The following EML6 variants were observed in gnomAD, a reference collection of about 807,000 sequenced individuals.
EML6 encodes the protein EMAP like 6.
EML6 carries 154 observed loss-of-function variants against 240.1 expected under a neutral mutation model. The ratio of observed to expected loss-of-function variants is 0.64; its 90% CI spans 0.56 to 0.73. EML6 has a LOEUF of 0.73. Ranked by LOEUF, EML6 falls within the 30% of genes least tolerant of loss-of-function variation. The pLI is 0.00. For missense variants in EML6, 2,964 were observed against 2,474.6 expected (o/e 1.20, Z -4.20); for synonymous variants, 1,148 against 899.0 (o/e 1.28, Z -4.95).
rs1353478443 is a variant in EML6, at chr2:54,879,655, G to A, written c.2438+15G>A. On this transcript the variant is annotated intron_variant, in intron 17 of 41. Coordinates refer to ENST00000356458, the MANE Select transcript of EML6 (RefSeq NM_001039753.4). ...GCCACAACAAGGTAAGAAGCTGCCG[G>A]GATCTTACGGTATCCTGCTGATACC... is the stretch of plus-strand genomic sequence containing the variant. 2 of 1,453,670 alleles carry A rather than the reference G, an allele frequency of 1.4e-6. No individual in the cohort carries two copies. The highest frequency in any genetic ancestry group is 1.4e-5 in the African/African-American group (1 of 71,072). The allele number at this position is 1,453,670 out of a possible 1,614,324, so 90.0% of individuals were successfully genotyped here.
At chr2:54,951,342 G>A (rs183490152) in intron 30 of EML6, among the ~76,000 whole-genome samples, 253 of 152,128 alleles carry the variant, frequency 1.7e-3, no homozygotes, top group African/African-American at 5.9e-3. Flanking sequence ...AGACCAGCCC[G>A]GTCAACATAG....
chr2:54,880,511 T>G (rs993055116), intron 17 of EML6: 1 of 152,218 alleles, frequency 6.6e-6, no homozygotes, highest in African/African-American at 2.4e-5. Flanking sequence ...AATGAAGATT[T>G]ATAAATTGCT....
At position 54,965,887 on chromosome 2, in the gene EML6, C is replaced by T. The variant is rs182604412; in HGVS notation, c.5494-1113C>T. 8.0e-4 allele frequency among the ~76,000 whole-genome samples: 122 copies of T among 152,334 alleles called. 1 individual carries two copies. The highest frequency in any genetic ancestry group is 2.8e-3 in the African/African-American group (115 of 41,574). On this transcript the variant is annotated intron_variant, in intron 38 of 41. Coordinates refer to ENST00000356458, the MANE Select transcript of EML6 (RefSeq NM_001039753.4). ...CTACAAAGGCAATCTGGTCCCCAGG[C>T]AAGAAGGAGGTCTGCTTTGGGAAAG...
At chr2:54,943,967 G>A (rs971066945) in intron 28 of EML6, among the ~76,000 whole-genome samples, 1 of 152,022 alleles carries the variant, frequency 6.6e-6, no homozygotes, top group Non-Finnish European at 1.5e-5. Context: ...TTCTTCTCTC[G>A]CCTTTTTGAA....
At chr2:54,954,749 T>C (rs907130304) in intron 32 of EML6, among the ~76,000 whole-genome samples, 1 of 152,178 alleles carries the variant, frequency 6.6e-6, no homozygotes, top group African/African-American at 2.4e-5. Context: ...AAGCTGCAAC[T>C]GAATGTGTGG....
chr2:54,960,458 T>G (rs1676446313), intron 35 of EML6, 124 bp downstream of exon 35: 2 of 683,104 alleles, frequency 2.9e-6, no homozygotes, highest in African/African-American at 1.8e-5. Flanking sequence ...ATACATGAAT[T>G]GTGCTGTAGT....
chr2:54,925,198 C>A (rs549974651), intron 26 of EML6, among the ~76,000 whole-genome samples: 1 of 152,016 alleles, frequency 6.6e-6, no homozygotes, highest in African/African-American at 2.4e-5. Context: ...ACACACACAC[C>A]GCCCGCTCTT....
At chr2:54,904,679 A>G (rs553905014) in intron 24 of EML6, among the ~76,000 whole-genome samples, 1 of 152,326 alleles carries the variant, frequency 6.6e-6, no homozygotes, top group Admixed American at 6.5e-5. Context: ...ACAGGCTGGG[A>G]TAGAGCAGAA....
At chr2:54,928,290 A>G (rs1197276961) in intron 26 of EML6, 23 bp from the exon 27 acceptor site, 1 of 1,540,916 alleles carries the variant, frequency 6.5e-7, no homozygotes, top group Non-Finnish European at 8.8e-7. Context: ...GGCTGGGGTA[A>G]TAACCAATTT....
At chr2:54,928,918 C>G (rs1172236309) in intron 28 of EML6, among the ~76,000 whole-genome samples, 167 bp downstream of exon 28, 2 of 152,214 alleles carry the variant, frequency 1.3e-5, no homozygotes, top group Non-Finnish European at 2.9e-5. Flanking sequence ...AAAAATTGCA[C>G]AACATCCCAG....
intron 24 of EML6, 37 bp from the exon 25 acceptor site, chr2:54,910,917 A>G (rs534951031): frequency 9.2e-7 from 1 of 1,082,818 alleles, no homozygotes; most frequent in Non-Finnish European, 1.4e-6. Context: ...ATAAAGTCAG[A>G]TTTTAATTAT....
intron 24 of EML6, among the ~76,000 whole-genome samples, chr2:54,908,750 C>G (rs1218077283): frequency 6.6e-6 from 1 of 152,170 alleles, no homozygotes; most frequent in Non-Finnish European, 1.5e-5. Context: ...GGCCCAAAGT[C>G]CACATCTCAT....
chr2:54,918,332 CATTT>C (rs1373975451), intron 26 of EML6, among the ~76,000 whole-genome samples: 2 of 152,050 alleles, frequency 1.3e-5, no homozygotes, highest in Non-Finnish European at 2.9e-5. Flanking sequence ...TTTTACATTC[CATTT>C]ATTTATTTAT....
At chr2:54,828,998 C>T (rs1279381772) in intron 6 of EML6, among the ~76,000 whole-genome samples, 1 of 152,166 alleles carries the variant, frequency 6.6e-6, no homozygotes, top group Non-Finnish European at 1.5e-5. Flanking sequence ...CATGAAACAC[C>T]TCCATAGTTG....
chr2:54,959,353 C>T (rs1676387366), intron 34 of EML6, 92 bp downstream of exon 34: 2 of 1,228,058 alleles, frequency 1.6e-6, no homozygotes, highest in Admixed American at 2.7e-5. Flanking sequence ...AAAATGCAGA[C>T]TGTCATCCTC....
chr2:54,859,205 T>C (rs1386233626), intron 11 of EML6, among the ~76,000 whole-genome samples: 2 of 152,370 alleles, frequency 1.3e-5, no homozygotes, highest in South Asian at 2.1e-4. Context: ...GCCTGTCTTA[T>C]CTTTCATTTA....
intron 30 of EML6, among the ~76,000 whole-genome samples, chr2:54,951,551 G>GA (rs11375657): frequency 0.65 from 93,420 of 144,648 alleles, 33,004 homozygotes; most frequent in Non-Finnish European, 0.81. Flanking sequence ...ATTTCAAAAA[G>GA]AAAAAAAAAA....
chr2:54,803,482 C>G (rs187383865), intron 2 of EML6, among the ~76,000 whole-genome samples: 15 of 152,242 alleles, frequency 9.9e-5, no homozygotes, highest in Middle Eastern at 3.4e-3. Flanking sequence ...TCTAGCAGCT[C>G]CAAGCCCCTT....
chr2:54,765,297 A>G (rs1015454338), intron 2 of EML6, among the ~76,000 whole-genome samples: 9 of 152,214 alleles, frequency 5.9e-5, no homozygotes, highest in African/African-American at 1.9e-4. Flanking sequence ...ATGGATTGAC[A>G]TAATTTTAAA....
Sources: gnomAD v4.1 joint callset for allele counts (sites outside exome capture counted in the v4.1 genomes callset) on GRCh38, gnomAD v4.1.1 for gene constraint, MANE v1.5 for transcripts, NCBI Gene and HGNC (gene_info 2026-07-23, HGNC 2026-07-21) for gene names.